The following NLRP1 variants were observed in gnomAD, a reference collection of about 807,000 sequenced individuals.
The protein encoded by NLRP1 is NACHT, LRR and PYD domains-containing protein 1.
A neutral mutation model predicts 136.7 loss-of-function variants in NLRP1; 94 were observed. The ratio of observed to expected loss-of-function variants is 0.69; its 90% CI spans 0.58 to 0.82. NLRP1 has a LOEUF of 0.82. Ranked by LOEUF, NLRP1 falls within the 40% of genes least tolerant of loss-of-function variation. The probability of loss-of-function intolerance (pLI) is 0.00; values close to 1 mark genes in which losing one functional copy is unlikely to be tolerated. For synonymous variants in NLRP1, 690 were observed against 725.1 expected (o/e 0.95, Z 0.78); for missense variants, 1,575 against 1,802.7 (o/e 0.87, Z 2.29).
At position 5,559,228 on chromosome 17, in the gene NLRP1, A is replaced by G; in HGVS notation, c.1468T>C (p.Phe490Leu). 6.2e-7 allele frequency: 1 copy of G among 1,614,160 alleles called. No homozygotes were observed. Among genetic ancestry groups the G allele is most frequent in the African/African-American group, 1.3e-5 (1 of 75,020 alleles). The change falls in exon 4 of 17, where the codon TTC becomes CTC. Residue 490 changes from phenylalanine to leucine, a missense_variant. By Grantham distance (22) the Phe-to-Leu change is conservative. Transcript: ENST00000572272. ...GFSESSRKEY[F>L]YRYFTDERQA... ...CTTTCATCTGTGAAATATCTGTAGA[A>G]ATATTCCTTCCTGCTGGACTCAGAG... is the stretch of plus-strand genomic sequence containing the variant.
chr17:5,538,794 T>C (rs112633713), intron 7 of NLRP1, among the ~76,000 whole-genome samples: 3,286 of 152,258 alleles, frequency 0.022, 123 homozygotes, highest in African/African-American at 0.075. Flanking sequence ...GAGCGTCCCC[T>C]AGAGCATGCA....
intron 3 of NLRP1, among the ~76,000 whole-genome samples, chr17:5,566,315 TTC>T (rs907780814): frequency 5.2e-4 from 79 of 152,012 alleles, no homozygotes; most frequent in African/African-American, 1.9e-3. Context: ...AGCTATAAAC[TTC>T]TCTCTTAATA....
Position 5,543,110 on chromosome 17 carries a change from G to A in NLRP1, c.2529-1083C>T, listed in dbSNP as rs576328811. On this transcript the variant is annotated intron_variant, in intron 5 of 16. Coordinates refer to ENST00000572272, the MANE Select transcript of NLRP1 (RefSeq NM_033004.4). ...CTCCCAAAGTGTTAGGATTACAGGC[G>A]TGAGCCACCGTGCCCAGCCCCATTT... Among the ~76,000 whole-genome samples the A allele has an allele frequency of 9.2e-5, 14 of 152,216 alleles. No individual in the cohort carries two copies. In the East Asian group the frequency reaches 2.1e-3, roughly 23 times the overall value.
At chr17:5,501,916 A>G (rs534371763) in intron 15 of NLRP1, 1 of 1,560,610 alleles carries the variant, frequency 6.4e-7, no homozygotes, top group African/African-American at 1.4e-5. Context: ...TTTGAGTCCC[A>G]GTAGATTGGA....
At chr17:5,573,665 C>T (rs185578802) in intron 3 of NLRP1, among the ~76,000 whole-genome samples, 23 of 152,326 alleles carry the variant, frequency 1.5e-4, no homozygotes, top group African/African-American at 2.9e-4. Context: ...TAGCAATATT[C>T]GCTGTTCTTC....
chr17:5,520,675 C>T (rs1265453833), intron 14 of NLRP1, among the ~76,000 whole-genome samples: 1 of 152,222 alleles, frequency 6.6e-6, no homozygotes, highest in Non-Finnish European at 1.5e-5. Context: ...CCCCATCATC[C>T]TTCACATCCT....
intron 3 of NLRP1, among the ~76,000 whole-genome samples, chr17:5,569,318 CA>C (rs1915635325): frequency 6.6e-6 from 1 of 152,142 alleles, no homozygotes; most frequent in South Asian, 2.1e-4. Context: ...CATTAAAAGG[CA>C]CAGAGTGGCA....
At chr17:5,561,063 T>C (rs1262031866) in intron 3 of NLRP1, among the ~76,000 whole-genome samples, 2 of 152,238 alleles carry the variant, frequency 1.3e-5, no homozygotes, top group Admixed American at 6.5e-5. Flanking sequence ...TTTTATTTTA[T>C]TTATTTTTTT....
At chr17:5,528,667 T>C (rs542953913) in intron 12 of NLRP1, among the ~76,000 whole-genome samples, 2 of 152,330 alleles carry the variant, frequency 1.3e-5, no homozygotes, top group Non-Finnish European at 2.9e-5. Context: ...ATAATTTTTC[T>C]TATATATATG....
At position 5,524,578 on chromosome 17, in the gene NLRP1, G is replaced by A. The variant is rs547179068; in HGVS notation, c.3521-2792C>T. On this transcript the variant is annotated intron_variant, in intron 12 of 16. Transcript: ENST00000572272. Reference sequence around the variant, plus strand: ...CTCCCCAGTTGCTTCTCCAAGAGGCGATGCTGGTTTGCGTTGCCATCACTG... The same window carrying A: ...CTCCCCAGTTGCTTCTCCAAGAGGCAATGCTGGTTTGCGTTGCCATCACTG... Among the ~76,000 whole-genome samples the A allele has an allele frequency of 2.6e-5, 4 of 152,332 alleles. No individual in the cohort carries two copies. In the East Asian group the frequency reaches 5.8e-4, roughly 22 times the overall value.
chr17:5,539,995 G>A lies in NLRP1; in HGVS notation c.2700-410C>T, dbSNP rs1001675915. ...ATTACAGGGGTGAGCCACCGTGCCC[G>A]GCCGGTAGGGCCTTTTTAGAGGGCA... On this transcript the variant is annotated intron_variant, in intron 6 of 16. Coordinates refer to ENST00000572272, the MANE Select transcript of NLRP1 (RefSeq NM_033004.4). Among the ~76,000 whole-genome samples, 4 of 152,168 alleles carry A rather than the reference G, an allele frequency of 2.6e-5. No individual in the cohort carries two copies. The East Asian group carries it at 5.8e-4, about 22-fold the overall frequency.
chr17:5,526,482 G>T (rs1164261299), intron 12 of NLRP1, among the ~76,000 whole-genome samples: 4 of 152,142 alleles, frequency 2.6e-5, no homozygotes, highest in African/African-American at 4.8e-5. Flanking sequence ...CCCCACTCAG[G>T]TGTCTGTGTG....
intron 7 of NLRP1, 150 bp downstream of exon 7, chr17:5,539,265 T>C (rs1277670782): frequency 3.2e-6 from 2 of 625,072 alleles, no homozygotes; most frequent in East Asian, 3.1e-5. Flanking sequence ...TCCCAGAGAA[T>C]TCAGCGACTT....
At chr17:5,577,215 C>T (rs968467899) in intron 3 of NLRP1, among the ~76,000 whole-genome samples, 1 of 152,178 alleles carries the variant, frequency 6.6e-6, no homozygotes, top group African/African-American at 2.4e-5. Flanking sequence ...GACAGGGATG[C>T]CCTCTCTCAT....
Position 5,536,910 on chromosome 17 carries a change from C to T in NLRP1, c.2901G>A (p.Met967Ile), listed in dbSNP as rs1214557504. ...GCTCCAGGGCCCTCAGTTCCTGCCT[C>T]ATCTCATCACTCAGAGTTGTCTGGT... ...GLDQTTLSDE[M>I]RQELRALEQE... Residue 967 changes from methionine to isoleucine, a missense_variant, in exon 8 of 17, where the codon ATG becomes ATA. Transcript: ENST00000572272. The T allele has an allele frequency of 4.3e-6, 7 of 1,613,666 alleles. No individual in the cohort carries two copies. The highest frequency in any genetic ancestry group is 5.1e-6 in the Non-Finnish European group (6 of 1,179,682).
chr17:5,558,141 C>T (rs1028527420), intron 4 of NLRP1, among the ~76,000 whole-genome samples, 198 bp downstream of exon 4: 12 of 152,072 alleles, frequency 7.9e-5, no homozygotes, highest in South Asian at 2.1e-4. Flanking sequence ...AGGGCCTGCC[C>T]CACAGCCGGG....
chr17:5,576,178 G>A (rs780513938), intron 3 of NLRP1, among the ~76,000 whole-genome samples: 90 of 152,210 alleles, frequency 5.9e-4, no homozygotes, highest in Non-Finnish European at 5.7e-4. Flanking sequence ...AAGCAGGAAA[G>A]ATCTAAAATT....
intron 14 of NLRP1, among the ~76,000 whole-genome samples, chr17:5,519,282 T>G (rs1284714513): frequency 6.6e-6 from 1 of 151,140 alleles, no homozygotes; most frequent in East Asian, 2.0e-4. Context: ...GATTACAGGC[T>G]TGAGCCACCA....
At chr17:5,549,477 GC>G (rs1470479388) in intron 5 of NLRP1, among the ~76,000 whole-genome samples, 2 of 151,824 alleles carry the variant, frequency 1.3e-5, no homozygotes, top group African/African-American at 4.8e-5. Flanking sequence ...ACAGGGTTTT[GC>G]CGTGTTGCCC....
Sources: allele counts gnomAD v4.1 joint callset (sites outside exome capture counted in the v4.1 genomes callset), GRCh38; gene constraint gnomAD v4.1.1; transcripts MANE v1.5; gene names NCBI Gene and HGNC (gene_info 2026-07-23, HGNC 2026-07-21).